The following SIGLEC15 variants were observed in gnomAD, a reference collection of about 807,000 sequenced individuals.
SIGLEC15 encodes the protein sialic acid binding Ig like lectin 15, also known as sialic acid-binding Ig-like lectin 15.
A neutral mutation model predicts 26.2 loss-of-function variants in SIGLEC15; 31 were observed. The ratio of observed to expected loss-of-function variants is 1.18; its 90% CI spans 0.89 to 1.60. The LOEUF is 1.60. Ranked by LOEUF, SIGLEC15 falls within the 40% of genes most tolerant of loss-of-function variation. SIGLEC15 has a pLI of 0.00. For missense variants in SIGLEC15, 501 were observed against 488.4 expected (o/e 1.03, Z -0.24); for synonymous variants, 207 against 221.9 (o/e 0.93, Z 0.60).
rs77331391 is a variant in SIGLEC15, at chr18:45,832,823, G to C, written c.53-4206G>C. 7.2e-3 allele frequency among the ~76,000 whole-genome samples: 1,099 copies of C among 152,276 alleles called. 15 individuals carry two copies. Among genetic ancestry groups the C allele is most frequent in the African/African-American group, 0.025 (1,050 of 41,558 alleles). On this transcript the variant is annotated intron_variant, in intron 1 of 5. Coordinates refer to ENST00000389474, the MANE Select transcript of SIGLEC15 (RefSeq NM_213602.3). Reference sequence around the variant, plus strand: ...GGAGCTTGTATTCTAGCCAAAGCAAGCGCATTTTTTTCCCTGGGCAAATCC... The same window carrying C: ...GGAGCTTGTATTCTAGCCAAAGCAACCGCATTTTTTTCCCTGGGCAAATCC...
At chr18:45,828,368 G>C (rs540870562) in intron 1 of SIGLEC15, among the ~76,000 whole-genome samples, 1 of 152,182 alleles carries the variant, frequency 6.6e-6, no homozygotes, top group Non-Finnish European at 1.5e-5. Context: ...AATCTCCCAG[G>C]GGCTCCCCAC....
In SIGLEC15 at chr18:45,838,800, G is replaced by A; in HGVS notation, c.579G>A (p.Pro193=). The A allele has an allele frequency of 1.3e-6, 2 of 1,558,988 alleles. No homozygotes were observed. The highest frequency in any genetic ancestry group is 1.4e-5 in the African/African-American group (1 of 73,696). ...FRALCTAEGE[P]PPALAWSGPA... ...CGCTCTGCACTGCCGAAGGGGAGCC[G>A]CCGCCCGCCCTCGCCTGGTCCGGCC... Residue 193 remains proline, a synonymous_variant, in exon 4 of 6, where the codon CCG becomes CCA. Transcript: ENST00000389474.
chr18:45,843,136 A>C lies in SIGLEC15; in HGVS notation c.*949A>C, dbSNP rs2048338961. On this transcript the variant is annotated 3_prime_UTR_variant, in exon 6 of 6. Transcript: ENST00000389474. ...TCAGGAGCTGAAGCCGGGAGACCTG[A>C]GGGGAGGTCTGGCCGGAGAGTCCGT... The C allele has an allele frequency of 6.6e-6, 1 of 152,250 alleles. No homozygotes were observed. The highest frequency in any genetic ancestry group is 2.4e-5 in the African/African-American group (1 of 41,450). 9.4% of individuals were successfully genotyped at this position (152,250 alleles called of 1,614,324 possible). A position where few individuals can be genotyped will look rare whatever the true frequency, so the allele number is the denominator to read the frequency against.
At chr18:45,840,019 CA>C (rs1266841326) in intron 4 of SIGLEC15, among the ~76,000 whole-genome samples, 191 bp from the exon 5 acceptor site, 1 of 152,172 alleles carries the variant, frequency 6.6e-6, no homozygotes, top group African/African-American at 2.4e-5. Flanking sequence ...GATTGCTCCT[CA>C]GTCCACCCCT....
In SIGLEC15 at chr18:45,838,892, C is replaced by A. The variant is rs2048300074; in HGVS notation, c.671C>A (p.Ala224Asp). 2 of 1,596,728 alleles carry A rather than the reference C, an allele frequency of 1.3e-6. No homozygotes were observed. Among genetic ancestry groups the A allele is most frequent in the African/African-American group, 2.7e-5 (2 of 74,612 alleles). Residue 224 changes from alanine (A) to aspartate (D), a missense_variant, in exon 4 of 6, where the codon GCC becomes GAC. By Grantham distance (126) the Ala-to-Asp change is moderately radical. Transcript: ENST00000389474. ...PREGHGHLVT[A>D]ELPALTHDGR... ...GAGGGTCACGGCCACCTAGTGACCG[C>A]CGAACTGCCCGCACTGACCCATGAC...
chr18:45,834,372 T>C (rs1254055097), intron 1 of SIGLEC15, among the ~76,000 whole-genome samples: 1 of 152,200 alleles, frequency 6.6e-6, no homozygotes, highest in East Asian at 1.9e-4. Context: ...TCTGAGTGTC[T>C]GGACAAGACA....
rs1056572437 is a variant in SIGLEC15, at chr18:45,838,799, C to T, written c.578C>T (p.Pro193Leu). Residue 193 changes from proline (P) to leucine (L), a missense_variant, in exon 4 of 6, where the codon CCG (proline) becomes CTG (leucine). By Grantham distance (98) the Pro-to-Leu change is moderately conservative (BLOSUM62 -3). Coordinates refer to ENST00000389474, the MANE Select transcript of SIGLEC15 (RefSeq NM_213602.3). Reference protein sequence around the residue: ...FRALCTAEGEPPPALAWSGPA... With the variant: ...FRALCTAEGELPPALAWSGPA... Reference sequence around the variant, plus strand: ...GCGCTCTGCACTGCCGAAGGGGAGCCGCCGCCCGCCCTCGCCTGGTCCGGC... The same window carrying T: ...GCGCTCTGCACTGCCGAAGGGGAGCTGCCGCCCGCCCTCGCCTGGTCCGGC... 1.3e-6 allele frequency: 2 copies of T among 1,558,912 alleles called. No individual in the cohort carries two copies. The highest frequency in any genetic ancestry group is 1.8e-5 in the Admixed American group (1 of 54,258).
intron 5 of SIGLEC15, 144 bp downstream of exon 5, chr18:45,840,385 CCCA>C: frequency 1.1e-6 from 1 of 902,488 alleles, no homozygotes; most frequent in Non-Finnish European, 1.6e-6. Context: ...TTCCTTGCAG[CCCA>C]CCAAGGCACC....
intron 1 of SIGLEC15, among the ~76,000 whole-genome samples, chr18:45,827,863 G>A (rs2048198582): frequency 6.6e-6 from 1 of 152,222 alleles, no homozygotes; most frequent in African/African-American, 2.4e-5. Flanking sequence ...AGGATTTAGA[G>A]GAAGCATGGG....
intron 1 of SIGLEC15, among the ~76,000 whole-genome samples, chr18:45,830,752 A>T (rs1439823765): frequency 3.4e-5 from 4 of 118,124 alleles, no homozygotes; most frequent in African/African-American, 6.8e-5. Context: ...TGCCAGGCTA[A>T]TTTTTTTTTT....
chr18:45,828,530 G>A (rs1355331980), intron 1 of SIGLEC15, among the ~76,000 whole-genome samples: 1 of 152,202 alleles, frequency 6.6e-6, no homozygotes, highest in Non-Finnish European at 1.5e-5. Context: ...CCTCAAGCCT[G>A]TGATAGGCAG....
intron 4 of SIGLEC15, among the ~76,000 whole-genome samples, chr18:45,839,371 A>G (rs1192234984): frequency 1.3e-5 from 2 of 152,224 alleles, no homozygotes; most frequent in African/African-American, 4.8e-5. Flanking sequence ...GGTTAACTCT[A>G]GAGCCGTCCC....
rs979147470 is a variant in SIGLEC15, at chr18:45,838,615, C to G, written c.497-103C>G. 2.1e-6 allele frequency: 3 copies of G among 1,398,954 alleles called. No individual in the cohort carries two copies. In the African/African-American group the frequency reaches 4.5e-5, roughly 21 times the overall value. The allele number at this position is 1,398,954 out of a possible 1,614,324, so 86.7% of individuals were successfully genotyped here. On this transcript the variant is annotated intron_variant, in intron 3 of 5. Coordinates refer to ENST00000389474, the MANE Select transcript of SIGLEC15 (RefSeq NM_213602.3). ...ACGGGGGCAGCCTGGCACCCAAGTG[C>G]CCATTCCTCCCTTCTGACCAGCCCC...
chr18:45,842,364 G>A lies in SIGLEC15; in HGVS notation c.*177G>A. 1.6e-6 allele frequency: 1 copy of A among 622,406 alleles called. No individual in the cohort carries two copies. The highest frequency in any genetic ancestry group is 2.8e-6 in the Non-Finnish European group (1 of 353,746). 38.6% of individuals were successfully genotyped at this position (622,406 alleles called of 1,614,324 possible). The stretch of plus-strand genomic sequence containing the variant: ...AGGAGGCTCATCTGGCCTCCTATGT[G>A]GACAACCATTTCGGAGCTCCCTGAT... On this transcript the variant is annotated 3_prime_UTR_variant, in exon 6 of 6. Coordinates refer to ENST00000389474, the MANE Select transcript of SIGLEC15 (RefSeq NM_213602.3).
rs929108062 is a variant in SIGLEC15 at position 45,837,744 on chromosome 18, G to T, written c.344G>T (p.Arg115Leu). The change falls in exon 3 of 6, where the codon CGG becomes CTG. Residue 115 changes from arginine (R) to leucine (L), a missense_variant. By Grantham distance (102) the Arg-to-Leu change is moderately radical (BLOSUM62 -2). Coordinates refer to ENST00000389474, the MANE Select transcript of SIGLEC15 (RefSeq NM_213602.3). ...GCGCTGAGCCTGCACGGCCGCTTCC[G>T]GCTGCTGGGCAACCCGCGCCGCAAC... The part of the protein sequence containing the change: ...QTALSLHGRF[R>L]LLGNPRRNDL... 2.6e-6 allele frequency: 4 copies of T among 1,512,352 alleles called. No individual in the cohort carries two copies. The highest frequency in any genetic ancestry group is 1.2e-5 in the South Asian group (1 of 81,982). 93.7% of individuals were successfully genotyped at this position (1,512,352 alleles called of 1,614,324 possible). A position where few individuals can be genotyped will look rare whatever the true frequency, so the allele number is the denominator to read the frequency against.
chr18:45,826,389 A>C (rs940351039), intron 1 of SIGLEC15, among the ~76,000 whole-genome samples: 21 of 152,200 alleles, frequency 1.4e-4, no homozygotes, highest in African/African-American at 5.1e-4. Context: ...GACCATCTGC[A>C]TCAGAATCCC....
At position 45,837,061 on chromosome 18, in the gene SIGLEC15, G is replaced by A. The variant is rs767932323; in HGVS notation, c.85G>A (p.Glu29Lys). Residue 29 changes from glutamate to lysine, a missense_variant, in exon 2 of 6, where the codon GAG becomes AAG. By Grantham distance (56) the Glu-to-Lys change is moderately conservative (BLOSUM62 1). Transcript: ENST00000389474. ...TGTGAGAACTAAAATAGATACTACG[G>A]AGAACTTGCTCAACACAGAGGTGCA... ...SFVRTKIDTT[E>K]NLLNTEVHSS... The A allele has an allele frequency of 3.2e-6, 5 of 1,578,258 alleles. No homozygotes were observed. In the East Asian group the frequency reaches 8.9e-5, roughly 28 times the overall value.
At position 45,838,516 on chromosome 18, in the gene SIGLEC15, A is replaced by C. The variant is rs898534940; in HGVS notation, c.497-202A>C. 5.6e-6 allele frequency: 4 copies of C among 716,454 alleles called. No homozygotes were observed. In the African/African-American group the frequency reaches 7.6e-5, roughly 14 times the overall value. 44.4% of individuals were successfully genotyped at this position (716,454 alleles called of 1,614,324 possible). ...ACCTCTTAAGGCAACTGCTATCATG[A>C]TCCTCACTTTACACATGGAGAAGCA... On this transcript the variant is annotated intron_variant, in intron 3 of 5. Transcript: ENST00000389474.
At chr18:45,842,058 G>T (rs1480278420) in intron 5 of SIGLEC15, 48 bp from the exon 6 acceptor site, 1 of 1,577,958 alleles carries the variant, frequency 6.3e-7, no homozygotes, top group African/African-American at 1.3e-5. Context: ...GGGCAGTTGT[G>T]GACCTCCCAC....
Sources: allele counts gnomAD v4.1 joint callset (sites outside exome capture counted in the v4.1 genomes callset), GRCh38; gene constraint gnomAD v4.1.1; transcripts MANE v1.5; gene names NCBI Gene and HGNC (gene_info 2026-07-23, HGNC 2026-07-21).